The following IFT57 variants were observed in gnomAD, a reference collection of about 807,000 sequenced individuals.
The protein encoded by IFT57 is intraflagellar transport protein 57 homolog.
IFT57 carries 59 observed loss-of-function variants against 56.8 expected under a neutral mutation model. That is an observed-to-expected ratio of 1.04 (90% CI 0.84 to 1.29). The LOEUF (loss-of-function observed/expected upper bound fraction) is 1.29, where lower values mean the gene tolerates loss of function less well. Among genes scored for constraint, IFT57 ranks in the 50% most tolerant of loss-of-function variants. The pLI is 0.00. For missense variants in IFT57, 470 were observed against 522.1 expected, an observed-to-expected ratio of 0.90 and a Z score of 0.97; for synonymous variants, 209 against 186.1, an observed-to-expected ratio of 1.12 and a Z score of -1.00.
Position 108,222,241 on chromosome 3 carries a change from C to G in IFT57, c.82G>C (p.Val28Leu). 1.2e-6 allele frequency: 2 copies of G among 1,614,156 alleles called. No individual in the cohort carries two copies. Among genetic ancestry groups the G allele is most frequent in the Non-Finnish European group, 1.7e-6 (2 of 1,180,030 alleles). ...GCGCCGGGCCCCCGCTCCAAGACCACTTCCCCGGTCCCTTCGCCACGGGAC... is the reference window on the plus strand; with the variant it reads ...GCGCCGGGCCCCCGCTCCAAGACCAGTTCCCCGGTCCCTTCGCCACGGGAC... ...PRSRGEGTGE[V>L]VLERGPGAAY... The change falls in exon 1 of 11, where the codon GTG becomes CTG. Residue 28 changes from valine (V) to leucine (L), a missense_variant. Transcript: ENST00000264538.
intron 6 of IFT57, among the ~76,000 whole-genome samples, chr3:108,177,948 C>A (rs1341053939): frequency 6.6e-6 from 1 of 151,664 alleles, no homozygotes; most frequent in Non-Finnish European, 1.5e-5. Flanking sequence ...AACTTACAGG[C>A]CTACTGTTTA....
At chr3:108,165,800 G>A (rs2080059313) in intron 8 of IFT57, among the ~76,000 whole-genome samples, 1 of 152,024 alleles carries the variant, frequency 6.6e-6, no homozygotes, top group Non-Finnish European at 1.5e-5. Flanking sequence ...TAGGAGAGGG[G>A]CTCTTGGTCA....
chr3:108,166,618 T>C (rs2080064748), intron 8 of IFT57, among the ~76,000 whole-genome samples: 1 of 152,022 alleles, frequency 6.6e-6, no homozygotes, highest in African/African-American at 2.4e-5. Flanking sequence ...ATGCCTTCAT[T>C]TACTTAAATC....
rs1430621450 is a variant in IFT57 at position 108,161,155 on chromosome 3, G to C, written c.*1322C>G. The C allele has an allele frequency of 6.6e-6, 1 of 151,636 alleles. No individual in the cohort carries two copies. The highest frequency in any genetic ancestry group is 2.4e-5 in the African/African-American group (1 of 41,324). 9.4% of individuals were successfully genotyped at this position (151,636 alleles called of 1,614,324 possible). Reference sequence around the variant, plus strand: ...GTTTTTGTATTAGACTCCTCCCAAAGACCACACAGGAAAAGAGCAACTTCA... The same window carrying C: ...GTTTTTGTATTAGACTCCTCCCAAACACCACACAGGAAAAGAGCAACTTCA... On this transcript the variant is annotated 3_prime_UTR_variant, in exon 11 of 11. Coordinates refer to ENST00000264538, the MANE Select transcript of IFT57 (RefSeq NM_018010.4).
At chr3:108,207,346 C>A (rs1412649031) in intron 4 of IFT57, among the ~76,000 whole-genome samples, 1 of 152,108 alleles carries the variant, frequency 6.6e-6, no homozygotes, top group Non-Finnish European at 1.5e-5. Context: ...AACTCCCTCC[C>A]CAATATGCAG....
intron 8 of IFT57, among the ~76,000 whole-genome samples, chr3:108,166,044 T>C (rs866482847): frequency 6.6e-6 from 1 of 152,232 alleles, no homozygotes. Flanking sequence ...TAAGTAATTG[T>C]GTATATGAAG....
chr3:108,213,331 C>T (rs1390739380), intron 4 of IFT57, among the ~76,000 whole-genome samples: 2 of 152,028 alleles, frequency 1.3e-5, no homozygotes, highest in Non-Finnish European at 2.9e-5. Flanking sequence ...CTTCAAATCA[C>T]AAGCACACTT....
chr3:108,219,382 A>C (rs745699425), intron 2 of IFT57, 28 bp downstream of exon 2: 7 of 1,585,568 alleles, frequency 4.4e-6, no homozygotes, highest in Non-Finnish European at 6.1e-6. Context: ...CTTGAGAACA[A>C]GGAAAAAGAA....
chr3:108,167,006 G>A, intron 7 of IFT57, 21 bp from the exon 8 acceptor site: 1 of 1,595,644 alleles, frequency 6.3e-7, no homozygotes, highest in Non-Finnish European at 8.5e-7. Flanking sequence ...CATGGAATTT[G>A]CAGATAGAAG....
At chr3:108,216,287 C>G (rs1560128887) in intron 3 of IFT57, among the ~76,000 whole-genome samples, 1 of 152,070 alleles carries the variant, frequency 6.6e-6, no homozygotes, top group Non-Finnish European at 1.5e-5. Context: ...AACAAAAAAA[C>G]TAGTCTAATT....
chr3:108,172,290 C>G (rs749754710), intron 6 of IFT57, among the ~76,000 whole-genome samples: 9 of 151,728 alleles, frequency 5.9e-5, no homozygotes, highest in Admixed American at 1.3e-4. Context: ...CAGCCAACAG[C>G]TGTCTAGCAT....
intron 5 of IFT57, among the ~76,000 whole-genome samples, chr3:108,205,938 A>G (rs1384903621): frequency 9.3e-6 from 1 of 107,614 alleles, no homozygotes; most frequent in Admixed American, 1.4e-4. Context: ...ATATATAAAT[A>G]TATTAGTTTA....
chr3:108,196,931 C>T (rs548921081), intron 5 of IFT57, among the ~76,000 whole-genome samples: 1 of 152,150 alleles, frequency 6.6e-6, no homozygotes, highest in Admixed American at 6.6e-5. Flanking sequence ...TAAAACTATA[C>T]TGTGCCTTGG....
intron 2 of IFT57, among the ~76,000 whole-genome samples, chr3:108,219,194 T>A (rs41267013): frequency 0.058 from 8,762 of 151,986 alleles, 374 homozygotes; most frequent in East Asian, 0.24. Flanking sequence ...AAGATTTTTT[T>A]AAAAAAATAT....
intron 6 of IFT57, among the ~76,000 whole-genome samples, chr3:108,171,705 G>A (rs1022708869): frequency 4.6e-5 from 7 of 151,730 alleles, no homozygotes; most frequent in African/African-American, 1.7e-4. Context: ...ACCAAATATG[G>A]TTGAGCCTCA....
intron 6 of IFT57, among the ~76,000 whole-genome samples, chr3:108,187,486 A>G (rs1470460315): frequency 1.3e-5 from 2 of 152,176 alleles, no homozygotes; most frequent in Non-Finnish European, 2.9e-5. Context: ...GCTAGGAAGC[A>G]TAAAAAGAAT....
intron 1 of IFT57, among the ~76,000 whole-genome samples, chr3:108,221,803 T>G (rs1438328275): frequency 6.6e-6 from 1 of 152,174 alleles, no homozygotes; most frequent in Non-Finnish European, 1.5e-5. Context: ...GTTTCATCTT[T>G]ACAATCAGAA....
chr3:108,187,618 A>G (rs1025497111), intron 6 of IFT57, among the ~76,000 whole-genome samples: 2 of 151,612 alleles, frequency 1.3e-5, no homozygotes, highest in African/African-American at 4.9e-5. Flanking sequence ...GTCTGAGCCT[A>G]CTATGGCTCA....
intron 5 of IFT57, among the ~76,000 whole-genome samples, chr3:108,199,403 A>G (rs2080264507): frequency 6.6e-6 from 1 of 152,230 alleles, no homozygotes; most frequent in Non-Finnish European, 1.5e-5. Context: ...AAAAGAGACA[A>G]GCCAAGTGTT....
Sources: gnomAD v4.1 joint callset for allele counts (sites outside exome capture counted in the v4.1 genomes callset) on GRCh38, gnomAD v4.1.1 for gene constraint, MANE v1.5 for transcripts, NCBI Gene and HGNC (gene_info 2026-07-23, HGNC 2026-07-21) for gene names.